The following SDK2 variants were observed in gnomAD, a reference collection of about 807,000 sequenced individuals.
The protein encoded by SDK2 is sidekick cell adhesion molecule 2, also known as protein sidekick-2.
SDK2 carries 105 observed loss-of-function variants against 253.9 expected under a neutral mutation model. That is an observed-to-expected ratio of 0.41 (90% confidence interval 0.35 to 0.49). The LOEUF (loss-of-function observed/expected upper bound fraction) is 0.49, where lower values mean the gene tolerates loss of function less well. SDK2 is among the 20% of genes least tolerant of loss of function. The pLI, the probability that SDK2 is intolerant of heterozygous loss-of-function variation, is 0.06. For missense variants in SDK2, 2,608 were observed against 3,003.0 expected, an observed-to-expected ratio of 0.87 and a Z score of 3.07; for synonymous variants, 1,249 against 1,234.9, an observed-to-expected ratio of 1.01 and a Z score of -0.24.
At chr17:73,525,097 C>T (rs1321622650) in intron 1 of SDK2, among the ~76,000 whole-genome samples, 5 of 152,210 alleles carry the variant, frequency 3.3e-5, no homozygotes, top group Admixed American at 6.5e-5. Flanking sequence ...TGATGAGGCT[C>T]GTCTCTGCCC....
Position 73,383,163 on chromosome 17 carries a change from C to T in SDK2, c.4705+713G>A, listed in dbSNP as rs547599801. On this transcript the variant is annotated intron_variant, in intron 33 of 44. Transcript: ENST00000392650. The surrounding 1 kb of genome is among the most constrained non-coding windows in gnomAD (Gnocchi z 4.3). ...CTCCTGCTCTCTTGCCACGTGACTG[C>T]AACAGCCTCTATCTGGGCGCCTGCC... Among the ~76,000 whole-genome samples, 2 of 152,366 alleles carry T rather than the reference C, an allele frequency of 1.3e-5. No homozygotes were observed. The highest frequency in any genetic ancestry group is 3.9e-4 in the East Asian group (2 of 5,178).
At chr17:73,637,136 G>A (rs139213823) in intron 1 of SDK2, among the ~76,000 whole-genome samples, 1 of 152,262 alleles carries the variant, frequency 6.6e-6, no homozygotes, top group East Asian at 1.9e-4. Flanking sequence ...ACAGACTGGG[G>A]TTCTGCTTTA....
In SDK2 at chr17:73,352,069, G is replaced by A. The variant is rs1318889250; in HGVS notation, c.5758+404C>T. Among the ~76,000 whole-genome samples, 2 of 152,104 alleles carry A rather than the reference G, an allele frequency of 1.3e-5. No homozygotes were observed. Among genetic ancestry groups the A allele is most frequent in the South Asian group, 2.1e-4 (1 of 4,824 alleles). ...ACCCAGGCACTAGGTCAGGCCTAAG[G>A]CCCACCTGTGTCTCTGCTGCTCTGC... On this transcript the variant is annotated intron_variant, in intron 41 of 44. Transcript: ENST00000392650. The surrounding 1 kb of genome is among the most constrained non-coding windows in gnomAD (Gnocchi z 4.1).
At chr17:73,538,636 C>A (rs2044818460) in intron 1 of SDK2, among the ~76,000 whole-genome samples, 1 of 152,252 alleles carries the variant, frequency 6.6e-6, no homozygotes. Flanking sequence ...CCACGCCTAG[C>A]CCACACTGGG....
chr17:73,514,730 A>G (rs1222908563), intron 1 of SDK2, among the ~76,000 whole-genome samples: 2 of 152,204 alleles, frequency 1.3e-5, no homozygotes, highest in African/African-American at 4.8e-5. Flanking sequence ...CAGGCATAGA[A>G]TAAGGGCTCA....
chr17:73,405,511 TATATATAA>T (rs2063068896), intron 18 of SDK2, among the ~76,000 whole-genome samples: 1 of 32,040 alleles, frequency 3.1e-5, no homozygotes, highest in Non-Finnish European at 6.2e-5. Flanking sequence ...TATATATATA[TATATATAA>T]AGATCGAGAA....
Position 73,422,453 on chromosome 17 carries a change from G to A in SDK2, c.1898-19C>T, listed in dbSNP as rs755692530. 1.9e-6 allele frequency: 3 copies of A among 1,609,306 alleles called. No individual in the cohort carries two copies. In the South Asian group the frequency reaches 3.3e-5, roughly 18 times the overall value. On this transcript the variant is annotated intron_variant, in intron 14 of 44. Transcript: ENST00000392650. ...GGGGCATCTGCAGGGACAGTGAGTG[G>A]GGCAGAAGTGGGTATCTTGGGTGGG...
intron 1 of SDK2, among the ~76,000 whole-genome samples, chr17:73,537,880 TAACAA>T (rs1425373030): frequency 6.6e-6 from 1 of 151,844 alleles, no homozygotes; most frequent in African/African-American, 2.4e-5. Context: ...GCGGGAAAAA[TAACAA>T]AACAGTTTCT....
chr17:73,571,545 C>T (rs1024583903), intron 1 of SDK2, among the ~76,000 whole-genome samples: 5 of 152,322 alleles, frequency 3.3e-5, no homozygotes, highest in African/African-American at 7.2e-5. Flanking sequence ...GCCCCCCGGG[C>T]GCTCTAAGCA....
chr17:73,561,874 C>A (rs1447803408), intron 1 of SDK2, among the ~76,000 whole-genome samples: 1 of 152,194 alleles, frequency 6.6e-6, no homozygotes, highest in Non-Finnish European at 1.5e-5. Context: ...GCCTGTAATC[C>A]CAGCACTTTG....
Position 73,616,516 on chromosome 17 carries a change from T to C in SDK2, c.64+27509A>G, listed in dbSNP as rs978644331. The stretch of plus-strand genomic sequence containing the variant: ...ATTTGTCTTTGTTTGGTTTGTTGCT[T>C]TGGTTTGTTTCGTTCTCCTGGCTGA... On this transcript the variant is annotated intron_variant, in intron 1 of 44. Coordinates refer to ENST00000392650, the MANE Select transcript of SDK2 (RefSeq NM_001144952.2). The surrounding 1 kb of genome is among the most constrained non-coding windows in gnomAD (Gnocchi z 5.2). Among the ~76,000 whole-genome samples, 1 of 152,208 alleles carries C rather than the reference T, an allele frequency of 6.6e-6. No homozygotes were observed. The highest frequency in any genetic ancestry group is 2.4e-5 in the African/African-American group (1 of 41,454).
chr17:73,591,065 G>A (rs1196938981), intron 1 of SDK2, among the ~76,000 whole-genome samples: 1 of 151,940 alleles, frequency 6.6e-6, no homozygotes, highest in Non-Finnish European at 1.5e-5. Context: ...GACTACAGGC[G>A]CCTGCCACTA....
At chr17:73,482,319 C>T (rs527787666) in intron 2 of SDK2, among the ~76,000 whole-genome samples, 23 of 151,862 alleles carry the variant, frequency 1.5e-4, no homozygotes, top group African/African-American at 5.3e-4. Flanking sequence ...GTTCTGGTTC[C>T]TCATAGGGCT....
intron 18 of SDK2, among the ~76,000 whole-genome samples, chr17:73,405,503 T>TAA (rs2063067918): frequency 1.2e-5 from 1 of 82,776 alleles, no homozygotes; most frequent in East Asian, 4.8e-4. Flanking sequence ...TATATATATA[T>TAA]ATATATATAT....
rs117821252 is a variant in SDK2, at chr17:73,346,550, T to C, written c.6165+2049A>G. Among the ~76,000 whole-genome samples the C allele has an allele frequency of 5.1e-3, 770 of 152,246 alleles. 2 individuals carry two copies. The highest frequency in any genetic ancestry group is 8.2e-3 in the Non-Finnish European group (558 of 68,002). ...TCCTGCCCTCTGCCTGGTGCCCCCT[T>C]CTCCTGCACCCTGGGCCCTCTACGG... On this transcript the variant is annotated intron_variant, in intron 44 of 44. Transcript: ENST00000392650.
chr17:73,568,979 G>T (rs1402893180), intron 1 of SDK2, among the ~76,000 whole-genome samples: 1 of 152,138 alleles, frequency 6.6e-6, no homozygotes, highest in Non-Finnish European at 1.5e-5. Context: ...ATGTGCTAAT[G>T]GCCTTTGTGT....
intron 1 of SDK2, chr17:73,520,862 T>C (rs2064072899): frequency 6.6e-6 from 1 of 152,184 alleles, no homozygotes; most frequent in Non-Finnish European, 1.5e-5. Flanking sequence ...GGTAGATCCA[T>C]AGAGATGGGG....
Position 73,415,970 on chromosome 17 carries a change from C to G in SDK2, c.2209G>C (p.Val737Leu). The change falls in exon 17 of 45, where the codon GTG becomes CTG. Residue 737 changes from valine to leucine, a missense_variant. Transcript: ENST00000392650. ...GTGATGTTCTTAAACTGGTACCCCA[C>G]GGGCAGCCCGGCCAGGCAGTACCTG... ...IIRYCLAGLP[V>L]GYQFKNITDA... 1 of 1,610,990 alleles carries G rather than the reference C, an allele frequency of 6.2e-7. No individual in the cohort carries two copies. Among genetic ancestry groups the G allele is most frequent in the South Asian group, 1.1e-5 (1 of 90,126 alleles).
At chr17:73,494,254 C>T (rs1043672985) in intron 2 of SDK2, among the ~76,000 whole-genome samples, 3 of 152,206 alleles carry the variant, frequency 2.0e-5, no homozygotes, top group African/African-American at 7.2e-5. Context: ...TGAACTCATG[C>T]CATGTCCCCC....
Sources: gnomAD v4.1 joint callset for allele counts (sites outside exome capture counted in the v4.1 genomes callset) on GRCh38, gnomAD v4.1.1 for gene constraint, Gnocchi (gnomAD v3.1) non-coding constraint, MANE v1.5 for transcripts, NCBI Gene and HGNC (gene_info 2026-07-23, HGNC 2026-07-21) for gene names.